Variants in SRGAP3 observed in about 807,000 individuals in gnomAD.
SRGAP3 encodes SLIT-ROBO Rho GTPase activating protein 3.
Under a neutral mutation model 121.1 loss-of-function variants are expected in SRGAP3, and 39 were observed. That is an observed-to-expected ratio of 0.32 (90% CI 0.25 to 0.42). SRGAP3 has a LOEUF of 0.42. Ranked by LOEUF, SRGAP3 falls within the 10% of genes least tolerant of loss-of-function variation. The pLI is 1.00. For missense variants in SRGAP3, 1,213 were observed against 1,470.6 expected (o/e 0.82, Z 2.86); for synonymous variants, 601 against 570.0 (o/e 1.05, Z -0.77).
intron 2 of SRGAP3, among the ~76,000 whole-genome samples, chr3:9,108,921 A>T (rs1244317220): frequency 6.6e-6 from 1 of 152,182 alleles, no homozygotes; most frequent in Non-Finnish European, 1.5e-5. Flanking sequence ...AACTTCCTGG[A>T]AAACAGCAGA....
intron 3 of SRGAP3, among the ~76,000 whole-genome samples, chr3:9,266,080 G>A (rs113363395): frequency 5.3e-5 from 8 of 152,266 alleles, no homozygotes; most frequent in Admixed American, 2.0e-4. Context: ...CAGGGACATG[G>A]ATGAAGCTGG....
chr3:9,214,818 T>C (rs1046898124), intron 1 of SRGAP3, among the ~76,000 whole-genome samples: 2 of 152,124 alleles, frequency 1.3e-5, no homozygotes, highest in Non-Finnish European at 2.9e-5. Context: ...AAAAAGAAAC[T>C]ATGACTAATA....
chr3:9,331,826 G>C (rs753834180), intron 1 of SRGAP3, among the ~76,000 whole-genome samples: 22 of 152,020 alleles, frequency 1.4e-4, no homozygotes, highest in Non-Finnish European at 1.0e-4. Context: ...TATAACAAAC[G>C]AACCCAGCCT....
intron 3 of SRGAP3, among the ~76,000 whole-genome samples, chr3:9,091,206 G>A (rs763269308): frequency 8.5e-5 from 13 of 152,114 alleles, no homozygotes; most frequent in East Asian, 3.9e-4. Flanking sequence ...TCAGTTATCC[G>A]TGCTGGGCCT....
chr3:9,228,232 TA>T (rs1466927093), intron 1 of SRGAP3, among the ~76,000 whole-genome samples: 1 of 151,982 alleles, frequency 6.6e-6, no homozygotes, highest in Admixed American at 6.6e-5. Flanking sequence ...ATACCTTGTC[TA>T]AAAAAGGCAG....
intron 1 of SRGAP3, among the ~76,000 whole-genome samples, chr3:9,142,527 G>A (rs1191661351): frequency 6.6e-6 from 1 of 152,196 alleles, no homozygotes; most frequent in African/African-American, 2.4e-5. Flanking sequence ...TCTCTGCCAA[G>A]CTCATATTTC....
intron 1 of SRGAP3, among the ~76,000 whole-genome samples, chr3:9,195,416 G>A (rs552382465): frequency 6.6e-6 from 1 of 152,286 alleles, no homozygotes; most frequent in South Asian, 2.1e-4. Context: ...TGAGGCCAGT[G>A]ACTGATGACA....
chr3:9,038,188 T>C (rs1227594773), intron 10 of SRGAP3, 98 bp from the exon 11 acceptor site: 1 of 1,492,564 alleles, frequency 6.7e-7, no homozygotes, highest in Non-Finnish European at 9.2e-7. Flanking sequence ...GAGTCTTAAT[T>C]ATTTATGAAA....
intron 10 of SRGAP3, among the ~76,000 whole-genome samples, chr3:9,038,758 G>A (rs1162330): frequency 0.51 from 76,952 of 151,952 alleles, 19,502 homozygotes; most frequent in South Asian, 0.63. Flanking sequence ...TTCTCCTTAT[G>A]CCCTGGTTCC....
Position 8,994,465 on chromosome 3 carries a change from C to T in SRGAP3, c.2286G>A (p.Glu762=). ...KFDYMGRSPR[E]LSFKKGASLL... Reference sequence around the variant, plus strand: ...GCGAGGCCCCCTTCTTGAAGGATAGCTCACGCGGGGACCGCCCCATGTAGT... The same window carrying T: ...GCGAGGCCCCCTTCTTGAAGGATAGTTCACGCGGGGACCGCCCCATGTAGT... The change falls in exon 19 of 22, where the codon GAG becomes GAA. Residue 762 remains glutamate, a synonymous_variant. Coordinates refer to ENST00000383836, the MANE Select transcript of SRGAP3 (RefSeq NM_014850.4). The T allele has an allele frequency of 6.2e-7, 1 of 1,614,226 alleles. No individual in the cohort carries two copies.
At chr3:9,093,578 CATCCATCA>C (rs1209988944) in intron 3 of SRGAP3, among the ~76,000 whole-genome samples, 5 of 152,026 alleles carry the variant, frequency 3.3e-5, no homozygotes, top group Admixed American at 3.3e-4. Flanking sequence ...TCCATCCATC[CATCCATCA>C]ACCCACTCAT....
At chr3:9,022,336 A>C (rs1943968097) in intron 14 of SRGAP3, among the ~76,000 whole-genome samples, 1 of 152,190 alleles carries the variant, frequency 6.6e-6, no homozygotes, top group African/African-American at 2.4e-5. Context: ...CAACTAACTA[A>C]CTAAATAAAT....
At chr3:9,070,562 T>C (rs1946654593) in intron 4 of SRGAP3, among the ~76,000 whole-genome samples, 1 of 152,056 alleles carries the variant, frequency 6.6e-6, no homozygotes, top group Non-Finnish European at 1.5e-5. Context: ...AGTGGATCAG[T>C]GAATATGGCT....
At chr3:9,031,632 A>T (rs972856182) in intron 12 of SRGAP3, among the ~76,000 whole-genome samples, 1 of 152,138 alleles carries the variant, frequency 6.6e-6, no homozygotes, top group African/African-American at 2.4e-5. Flanking sequence ...CCTAAGGCCA[A>T]ACTCATATAT....
chr3:9,213,038 A>T (rs974948870), intron 1 of SRGAP3, among the ~76,000 whole-genome samples: 2 of 152,150 alleles, frequency 1.3e-5, no homozygotes, highest in African/African-American at 4.8e-5. Context: ...GCTTGGTGAG[A>T]AAAACTTCCC....
intron 17 of SRGAP3, 148 bp downstream of exon 17, chr3:9,013,160 T>C (rs902535140): frequency 1.2e-5 from 9 of 774,924 alleles, no homozygotes; most frequent in Non-Finnish European, 1.7e-5. Flanking sequence ...CTATCTCTCA[T>C]GTGAAGCTGC....
At chr3:9,262,439 C>T (rs909722176) in intron 3 of SRGAP3, among the ~76,000 whole-genome samples, 4 of 147,100 alleles carry the variant, frequency 2.7e-5, no homozygotes, top group East Asian at 2.0e-4. Context: ...CAAGACCCAT[C>T]GGTGTGCTGT....
intron 1 of SRGAP3, among the ~76,000 whole-genome samples, chr3:9,166,749 GC>G (rs1397503347): frequency 6.6e-5 from 10 of 152,166 alleles, no homozygotes; most frequent in Admixed American, 4.6e-4. Flanking sequence ...AAACTTGGCT[GC>G]CAGCACACAG....
At chr3:9,293,633 T>G (rs1308667732) in intron 3 of SRGAP3, among the ~76,000 whole-genome samples, 1 of 151,742 alleles carries the variant, frequency 6.6e-6, no homozygotes, top group Non-Finnish European at 1.5e-5. Flanking sequence ...CGTAACAAAT[T>G]TACAAGAAAA....
Sources: gnomAD v4.1 joint callset for allele counts (sites outside exome capture counted in the v4.1 genomes callset) on GRCh38, gnomAD v4.1.1 for gene constraint, MANE v1.5 for transcripts, NCBI Gene and HGNC (gene_info 2026-07-23, HGNC 2026-07-21) for gene names.